WWC1: variants seen among roughly 807,000 people sequenced by gnomAD.
WWC1 encodes the protein WW and C2 domain containing 1, also known as protein KIBRA.
In WWC1, 55 loss-of-function variants were observed where a neutral mutation model predicts 138.4. The observed-to-expected ratio is 0.40, with a 90% confidence interval of 0.32 to 0.50. WWC1 has a LOEUF of 0.50. Among genes scored for constraint, WWC1 ranks in the 20% least tolerant of loss-of-function variants. WWC1 has a pLI of 0.72. For synonymous variants in WWC1, 524 were observed against 564.9 expected (o/e 0.93, Z 1.03); for missense variants, 1,226 against 1,420.4 (o/e 0.86, Z 2.20).
intron 1 of WWC1, among the ~76,000 whole-genome samples, chr5:168,337,660 T>C (rs1203123220): frequency 6.6e-6 from 1 of 152,230 alleles, no homozygotes. Context: ...TATAGTCTAG[T>C]GTTTGTGCTA....
intron 2 of WWC1, among the ~76,000 whole-genome samples, chr5:168,376,330 A>G (rs533999067): frequency 8.5e-5 from 13 of 152,334 alleles, no homozygotes; most frequent in African/African-American, 1.9e-4. Context: ...CTGGGATTAC[A>G]GGCGTGAGCT....
intron 14 of WWC1, among the ~76,000 whole-genome samples, chr5:168,430,609 CAG>C (rs1781862726): frequency 6.6e-6 from 1 of 150,704 alleles, no homozygotes; most frequent in Non-Finnish European, 1.5e-5. Context: ...GTGTTTCTTG[CAG>C]AGAGAGATAG....
At chr5:168,360,292 T>C (rs11746095) in intron 1 of WWC1, among the ~76,000 whole-genome samples, 69,531 of 152,078 alleles carry the variant, frequency 0.46, 18,219 homozygotes, top group South Asian at 0.61. Flanking sequence ...TTTGGTGAAA[T>C]AGGGTCTATG....
At chr5:168,372,025 G>C (rs55807803) in intron 2 of WWC1, among the ~76,000 whole-genome samples, 740 of 67,704 alleles carry the variant, frequency 0.011, 5 homozygotes, top group African/African-American at 0.033. Flanking sequence ...GAATTGGCGA[G>C]AGAGAGAGAG....
At chr5:168,392,073 A>G (rs185705770) in intron 3 of WWC1, among the ~76,000 whole-genome samples, 72 of 152,188 alleles carry the variant, frequency 4.7e-4, no homozygotes, top group South Asian at 1.0e-3. Context: ...CCTTAAATCG[A>G]TACAGTCAGG....
chr5:168,459,877 G>T (rs1217808968), intron 19 of WWC1, among the ~76,000 whole-genome samples: 2 of 152,084 alleles, frequency 1.3e-5, no homozygotes. Context: ...TCCCCACTCT[G>T]CTCCCACCTC....
chr5:168,465,442 G>A (rs1005890971), intron 21 of WWC1, among the ~76,000 whole-genome samples: 20 of 148,060 alleles, frequency 1.4e-4, no homozygotes, highest in African/African-American at 5.1e-4. Context: ...CAAGTCGGCT[G>A]GCACCTCTGC....
Position 168,414,506 on chromosome 5 carries a change from T to G in WWC1, c.1100T>G (p.Val367Gly). ...CCCCGCAAGTGGACCCAGGGGGAGGTGGAGCAGCTGGAGATGGCCCGGAAG... is the reference window on the plus strand; with the variant it reads ...CCCCGCAAGTGGACCCAGGGGGAGGGGGAGCAGCTGGAGATGGCCCGGAAG... ...ISPRKWTQGE[V>G]EQLEMARKRL... Residue 367 changes from valine to glycine, a missense_variant, in exon 9 of 23, where the codon GTG becomes GGG. By Grantham distance (109) the Val-to-Gly change is moderately radical. Transcript: ENST00000265293. The G allele has an allele frequency of 6.4e-7, 1 of 1,556,730 alleles. No homozygotes were observed. The highest frequency in any genetic ancestry group is 1.8e-4 in the Middle Eastern group (1 of 5,692).
intron 21 of WWC1, among the ~76,000 whole-genome samples, chr5:168,467,301 T>G (rs1757383478): frequency 6.6e-6 from 1 of 152,176 alleles, no homozygotes; most frequent in Admixed American, 6.5e-5. Context: ...TTACCAAAAT[T>G]CTGTCTTTGT....
intron 15 of WWC1, among the ~76,000 whole-genome samples, chr5:168,436,205 G>C (rs907679813): frequency 1.3e-5 from 2 of 152,106 alleles, no homozygotes; most frequent in African/African-American, 4.8e-5. Flanking sequence ...CTTGTTACCA[G>C]ACCAGAGGCC....
intron 11 of WWC1, among the ~76,000 whole-genome samples, chr5:168,427,037 A>G (rs1359917922): frequency 6.6e-6 from 1 of 152,206 alleles, no homozygotes; most frequent in African/African-American, 2.4e-5. Flanking sequence ...TGTTAAGGTT[A>G]GGGAAGAGGA....
At chr5:168,448,331 G>C (rs113151490) in intron 17 of WWC1, among the ~76,000 whole-genome samples, 5 of 152,140 alleles carry the variant, frequency 3.3e-5, no homozygotes, top group Admixed American at 1.3e-4. Context: ...AAAACCCGGC[G>C]TGTCACTGGT....
At position 168,441,704 on chromosome 5, in the gene WWC1, C is replaced by T. The variant is rs758249466; in HGVS notation, c.2303C>T (p.Ala768Val). 15 of 1,614,056 alleles carry T rather than the reference C, an allele frequency of 9.3e-6. No homozygotes were observed. The highest frequency in any genetic ancestry group is 2.2e-5 in the East Asian group (1 of 44,870). ...ECLGGAQISL[A>V]EVCRSGERST... is the part of the protein sequence containing the mutation. ...CAGGGAGGCGCCCAGATCAGCCTGG[C>T]GGAGGTCTGCCGGTCTGGGGAGAGG... The change falls in exon 16 of 23, where the codon GCG (alanine) becomes GTG (valine). Residue 768 changes from alanine to valine, a missense_variant. By Grantham distance (64) the Ala-to-Val change is moderately conservative (BLOSUM62 0). Around this residue, in one of 3 missense-constraint regions of WWC1, gnomAD observed 1,016 missense variants for 1,153.9 expected, o/e 0.88. Transcript: ENST00000265293.
intron 1 of WWC1, among the ~76,000 whole-genome samples, chr5:168,336,583 A>C (rs956775662): frequency 2.0e-5 from 3 of 150,128 alleles, no homozygotes; most frequent in Non-Finnish European, 3.0e-5. Context: ...AAAAAAAAAA[A>C]AAAAAAAAAA....
intron 1 of WWC1, among the ~76,000 whole-genome samples, chr5:168,339,940 T>C (rs1483164374): frequency 0.016 from 2,167 of 132,190 alleles, 81 homozygotes; most frequent in African/African-American, 0.063. Context: ...TCTTTCTCTC[T>C]CTCTCTCCCC....
intron 17 of WWC1, among the ~76,000 whole-genome samples, chr5:168,444,980 A>C (rs1393505663): frequency 1.3e-5 from 2 of 152,194 alleles, no homozygotes; most frequent in Admixed American, 1.3e-4. Flanking sequence ...GAGAGCAGAA[A>C]TATTAGACAG....
chr5:168,445,052 A>G (rs1225437284), intron 17 of WWC1, among the ~76,000 whole-genome samples: 3 of 152,170 alleles, frequency 2.0e-5, no homozygotes, highest in African/African-American at 7.2e-5. Context: ...ACGGTGGCTC[A>G]TGCCTGTAGT....
chr5:168,414,398 C>T lies in WWC1; in HGVS notation c.992C>T (p.Pro331Leu), dbSNP rs1197500152. 2 of 1,608,014 alleles carry T rather than the reference C, an allele frequency of 1.2e-6. No homozygotes were observed. Among genetic ancestry groups the T allele is most frequent in the Admixed American group, 3.4e-5 (2 of 59,268 alleles). The part of the protein sequence containing the change: ...QLAKLDSEAW[P>L]GVLDSERDRL... ...GCCAAGCTTGACAGTGAGGCCTGGC[C>T]TGGGGTGCTGGACTCAGAGAGGGAC... Residue 331 changes from proline to leucine, a missense_variant, in exon 9 of 23, where the codon CCT (proline) becomes CTT (leucine). By Grantham distance (98) the Pro-to-Leu change is moderately conservative. Coordinates refer to ENST00000265293, the MANE Select transcript of WWC1 (RefSeq NM_015238.3).
chr5:168,367,860 T>C (rs1397717650), intron 1 of WWC1, among the ~76,000 whole-genome samples: 1 of 151,664 alleles, frequency 6.6e-6, no homozygotes, highest in South Asian at 2.1e-4. Flanking sequence ...ACAAATAAAT[T>C]AATAAAAAAA....
Sources: allele counts gnomAD v4.1 joint callset (sites outside exome capture counted in the v4.1 genomes callset), GRCh38; gene constraint gnomAD v4.1.1; regional missense constraint gnomAD v4.1.1; transcripts MANE v1.5; gene names NCBI Gene and HGNC (gene_info 2026-07-23, HGNC 2026-07-21).